The following ADARB2 variants were observed in gnomAD, a reference collection of about 807,000 sequenced individuals.
ADARB2 encodes the protein adenosine deaminase RNA specific B2 (inactive), also known as inactive double-stranded RNA-specific editase B2.
ADARB2 carries 25 observed loss-of-function variants against 62.2 expected under a neutral mutation model. The observed-to-expected ratio is 0.40, with a 90% CI of 0.29 to 0.56. The LOEUF (loss-of-function observed/expected upper bound fraction) is 0.56. Among genes scored for constraint, ADARB2 ranks in the 20% least tolerant of loss-of-function variants. ADARB2 has a pLI of 0.43. For synonymous variants in ADARB2, 572 were observed against 500.8 expected, an observed-to-expected ratio of 1.14 and a Z score of -1.90; for missense variants, 1,071 against 1,077.4, an observed-to-expected ratio of 0.99 and a Z score of 0.08.
At chr10:1,697,728 G>A (rs1834765065) in intron 1 of ADARB2, among the ~76,000 whole-genome samples, 2 of 152,164 alleles carry the variant, frequency 1.3e-5, no homozygotes, top group African/African-American at 4.8e-5. Flanking sequence ...GCGGGCTGAC[G>A]GAAAAGCCCG....
chr10:1,640,194 C>T (rs780831357), intron 1 of ADARB2, among the ~76,000 whole-genome samples: 2 of 152,128 alleles, frequency 1.3e-5, no homozygotes, highest in Non-Finnish European at 2.9e-5. Flanking sequence ...GAGATTGTAC[C>T]GTTGTAAAAT....
At chr10:1,594,428 T>C (rs1441011419) in intron 1 of ADARB2, among the ~76,000 whole-genome samples, 1 of 152,196 alleles carries the variant, frequency 6.6e-6, no homozygotes, top group Non-Finnish European at 1.5e-5. Flanking sequence ...TCAGGTCTTC[T>C]GTGGTGGGGC....
chr10:1,349,742 G>T (rs1238411624), intron 3 of ADARB2, among the ~76,000 whole-genome samples: 1 of 152,132 alleles, frequency 6.6e-6, no homozygotes, highest in Non-Finnish European at 1.5e-5. Context: ...AAACTCCGGC[G>T]CTGGTCACGG....
Position 1,647,031 on chromosome 10 carries a change from C to T in ADARB2, c.100+90020G>A, listed in dbSNP as rs535597900. Among the ~76,000 whole-genome samples the T allele has an allele frequency of 1.5e-4, 23 of 152,330 alleles. No homozygotes were observed. In the East Asian group the frequency reaches 3.5e-3, roughly 23 times the overall value. On this transcript the variant is annotated intron_variant, in intron 1 of 9. Coordinates refer to ENST00000381312, the MANE Select transcript of ADARB2 (RefSeq NM_018702.4). ...AAATCCAAAGGAGAAAACTGTGTGC[C>T]GTGTTGCCACCAACACTCGCACGAG...
In ADARB2 at chr10:1,218,340, T is replaced by C. The variant is rs575453881; in HGVS notation, c.1514-1221A>G. ...TGCTGGGATTACAGGCCTGAGCCAC[T>C]GCACCCAGCCAAAATCTTGTACATT... is the stretch of plus-strand genomic sequence containing the variant. On this transcript the variant is annotated intron_variant, in intron 6 of 9. Transcript: ENST00000381312. 2.6e-5 allele frequency among the ~76,000 whole-genome samples: 4 copies of C among 152,322 alleles called. No individual in the cohort carries two copies. The South Asian group carries it at 6.2e-4, about 24-fold the overall frequency.
chr10:1,230,535 C>A (rs115380633), intron 6 of ADARB2, among the ~76,000 whole-genome samples: 1 of 152,172 alleles, frequency 6.6e-6, no homozygotes, highest in Admixed American at 6.5e-5. Flanking sequence ...ACGTGGAGAC[C>A]CCTGCCTCTT....
At chr10:1,627,992 C>T (rs1021556939) in intron 1 of ADARB2, among the ~76,000 whole-genome samples, 6 of 152,206 alleles carry the variant, frequency 3.9e-5, no homozygotes, top group African/African-American at 9.6e-5. Flanking sequence ...TCAGCTTGAC[C>T]CTCCATCCTG....
chr10:1,377,935 G>C (rs778441021), intron 2 of ADARB2, among the ~76,000 whole-genome samples: 1 of 152,128 alleles, frequency 6.6e-6, no homozygotes, highest in Non-Finnish European at 1.5e-5. Context: ...CAAAGTACAC[G>C]GCTCCCCTTG....
chr10:1,607,556 G>A (rs1309778995), intron 1 of ADARB2, among the ~76,000 whole-genome samples: 1 of 152,028 alleles, frequency 6.6e-6, no homozygotes, highest in African/African-American at 2.4e-5. Flanking sequence ...AGCTACCGAA[G>A]CCCTATTCAC....
chr10:1,220,348 T>TGGTGATGATG, intron 6 of ADARB2, among the ~76,000 whole-genome samples: 1 of 149,838 alleles, frequency 6.7e-6, no homozygotes, highest in Non-Finnish European at 1.5e-5. Flanking sequence ...TGATGGTGAT[T>TGGTGATGATG]GTGGTGATGA....
At chr10:1,463,160 G>A (rs918099489) in intron 1 of ADARB2, among the ~76,000 whole-genome samples, 5 of 152,172 alleles carry the variant, frequency 3.3e-5, no homozygotes, top group African/African-American at 1.2e-4. Context: ...TGGGATTGGG[G>A]GCTGCAGCGG....
chr10:1,539,031 A>G (rs928391517), intron 1 of ADARB2, among the ~76,000 whole-genome samples: 18 of 152,186 alleles, frequency 1.2e-4, no homozygotes, highest in Admixed American at 9.8e-4. Flanking sequence ...GGCTCCACAC[A>G]GCATGCACGT....
intron 3 of ADARB2, among the ~76,000 whole-genome samples, chr10:1,354,122 C>A (rs956748232): frequency 6.6e-6 from 1 of 152,152 alleles, no homozygotes; most frequent in Non-Finnish European, 1.5e-5. Context: ...TGAGAAACAT[C>A]GCCCATTATC....
intron 1 of ADARB2, among the ~76,000 whole-genome samples, chr10:1,584,031 A>C (rs1488747372): frequency 6.6e-6 from 1 of 152,234 alleles, no homozygotes; most frequent in Non-Finnish European, 1.5e-5. Flanking sequence ...AAAGCTATAA[A>C]ACTCCTACAA....
At chr10:1,326,365 G>A (rs1831846189) in intron 3 of ADARB2, among the ~76,000 whole-genome samples, 1 of 152,218 alleles carries the variant, frequency 6.6e-6, no homozygotes, top group South Asian at 2.1e-4. Context: ...AGGGGCAAAA[G>A]TGTAACTGCT....
chr10:1,459,204 T>C (rs1233702190), intron 1 of ADARB2, among the ~76,000 whole-genome samples: 1 of 152,192 alleles, frequency 6.6e-6, no homozygotes, highest in African/African-American at 2.4e-5. Context: ...ATAAATCATC[T>C]ATCATAAAGA....
intron 1 of ADARB2, among the ~76,000 whole-genome samples, chr10:1,568,024 TTCTC>T (rs1413924505): frequency 6.6e-6 from 1 of 152,208 alleles, no homozygotes; most frequent in African/African-American, 2.4e-5. Context: ...GCAGCTGCCA[TTCTC>T]TCTAACTCAC....
rs187555006 is a variant in ADARB2 at position 1,532,662 on chromosome 10, C to T, written c.101-153502G>A. Among the ~76,000 whole-genome samples the T allele has an allele frequency of 1.4e-4, 21 of 152,268 alleles. 1 individual carries two copies. In the East Asian group the frequency reaches 3.7e-3, roughly 27 times the overall value. ...CCAGTGAGACACCAAGAGGTCATCA[C>T]GGGCCTCTTCTCATCTCAGTGCCAG... On this transcript the variant is annotated intron_variant, in intron 1 of 9. Coordinates refer to ENST00000381312, the MANE Select transcript of ADARB2 (RefSeq NM_018702.4).
In ADARB2 at chr10:1,631,010, A is replaced by C. The variant is rs576922181; in HGVS notation, c.100+106041T>G. ...AAACAAACAAATAAATGAAAGAAAG[A>C]AAAAAAGAAAAGAATTATGAGGGAA... is the stretch of plus-strand genomic sequence containing the variant. On this transcript the variant is annotated intron_variant, in intron 1 of 9. Coordinates refer to ENST00000381312, the MANE Select transcript of ADARB2 (RefSeq NM_018702.4). Among the ~76,000 whole-genome samples, 3 of 152,266 alleles carry C rather than the reference A, an allele frequency of 2.0e-5. No individual in the cohort carries two copies. In the South Asian group the frequency reaches 6.2e-4, roughly 32 times the overall value.
Sources: allele counts gnomAD v4.1 joint callset (sites outside exome capture counted in the v4.1 genomes callset), GRCh38; gene constraint gnomAD v4.1.1; transcripts MANE v1.5; gene names NCBI Gene and HGNC (gene_info 2026-07-23, HGNC 2026-07-21).